The following RYR2 variants were observed in gnomAD, a reference collection of about 807,000 sequenced individuals.
The protein encoded by RYR2 is cardiac muscle ryanodine receptor-calcium release channel.
In RYR2, 227 loss-of-function variants were observed where a neutral mutation model predicts 601.1. That is an observed-to-expected ratio of 0.38 (90% CI 0.34 to 0.42). The LOEUF (loss-of-function observed/expected upper bound fraction) is 0.42, where lower values mean the gene tolerates loss of function less well. Among genes scored for constraint, RYR2 ranks in the 10% least tolerant of loss-of-function variants. The pLI is 1.00. For missense variants in RYR2, 4,646 were observed against 6,156.5 expected, an observed-to-expected ratio of 0.75 and a Z score of 8.21; for synonymous variants, 2,223 against 2,175.1, an observed-to-expected ratio of 1.02 and a Z score of -0.61.
intron 1 of RYR2, among the ~76,000 whole-genome samples, chr1:237,154,430 A>G (rs1482879357): frequency 6.6e-6 from 1 of 152,164 alleles, no homozygotes; most frequent in African/African-American, 2.4e-5. Context: ...TTGAAGGACT[A>G]TTGGCTGAGG....
At chr1:237,795,836 G>GTATATATATATA (rs1553329286) in intron 96 of RYR2, among the ~76,000 whole-genome samples, 16,200 of 132,234 alleles carry the variant, frequency 0.12, 1,074 homozygotes, top group Admixed American at 0.16. Flanking sequence ...GTGTGTGTGT[G>GTATATATATATA]TATATATATA....
chr1:237,147,251 GTTTGGGT>G (rs1674102533), intron 1 of RYR2, among the ~76,000 whole-genome samples: 1 of 152,124 alleles, frequency 6.6e-6, no homozygotes. Context: ...AGCATTTTTA[GTTTGGGT>G]TAATAATTAA....
chr1:237,515,420 T>C (rs897354111), intron 24 of RYR2, among the ~76,000 whole-genome samples: 8 of 152,218 alleles, frequency 5.3e-5, no homozygotes, highest in African/African-American at 1.9e-4. Flanking sequence ...GTATTTTTCC[T>C]GAAAATTATT....
intron 1 of RYR2, among the ~76,000 whole-genome samples, chr1:237,091,381 C>T (rs1047410691): frequency 3.9e-5 from 5 of 126,896 alleles, no homozygotes; most frequent in African/African-American, 1.5e-4. Context: ...CTCTGTTGGT[C>T]TGGAATTCAA....
intron 76 of RYR2, among the ~76,000 whole-genome samples, chr1:237,728,962 A>G (rs1690444326): frequency 6.8e-6 from 1 of 147,364 alleles, no homozygotes; most frequent in Non-Finnish European, 1.5e-5. Flanking sequence ...AGCAAAAAAA[A>G]AGAATATTAA....
intron 17 of RYR2, among the ~76,000 whole-genome samples, chr1:237,484,416 G>A (rs1162629074): frequency 1.3e-5 from 2 of 152,190 alleles, no homozygotes; most frequent in Non-Finnish European, 2.9e-5. Flanking sequence ...TGGGCTTTCT[G>A]CAGTGATCAT....
intron 25 of RYR2, among the ~76,000 whole-genome samples, chr1:237,538,046 TA>T (rs201079365): frequency 3.3e-5 from 5 of 151,628 alleles, no homozygotes; most frequent in African/African-American, 4.8e-5. Flanking sequence ...TTAATCTACT[TA>T]AAAAAAATGT....
chr1:237,759,634 A>T, intron 82 of RYR2, 142 bp from the exon 83 acceptor site: 1 of 656,186 alleles, frequency 1.5e-6, no homozygotes, highest in South Asian at 1.7e-5. Context: ...CTACTTCATG[A>T]TAAAGATGGC....
intron 60 of RYR2, 127 bp from the exon 61 acceptor site, chr1:237,677,921 G>T: frequency 8.0e-6 from 5 of 621,544 alleles, no homozygotes; most frequent in Middle Eastern, 3.0e-4. Flanking sequence ...TATATTTTTG[G>T]TTGGCTTTTT....
intron 2 of RYR2, among the ~76,000 whole-genome samples, chr1:237,318,270 C>A (rs1347822582): frequency 6.6e-6 from 1 of 152,076 alleles, no homozygotes. Context: ...TTCCTTCATA[C>A]TCTTTTTTTG....
At chr1:237,537,611 G>A (rs1431433241) in intron 25 of RYR2, among the ~76,000 whole-genome samples, 1 of 152,010 alleles carries the variant, frequency 6.6e-6, no homozygotes, top group Non-Finnish European at 1.5e-5. Flanking sequence ...CACCGTGCCC[G>A]GCCTAAATAT....
chr1:237,659,911 T>C (rs1683607800), intron 54 of RYR2, 74 bp from the exon 55 acceptor site: 1 of 952,430 alleles, frequency 1.0e-6, no homozygotes, highest in Non-Finnish European at 1.6e-6. Context: ...AAACACGCAC[T>C]TAAACACCTG....
chr1:237,704,785 T>G (rs528541799), intron 66 of RYR2, among the ~76,000 whole-genome samples: 39 of 152,036 alleles, frequency 2.6e-4, no homozygotes, highest in Non-Finnish European at 2.6e-4. Context: ...AAAATAGATA[T>G]TTACAAAAAG....
At chr1:237,304,290 T>G (rs1463527077) in intron 2 of RYR2, among the ~76,000 whole-genome samples, 2 of 152,322 alleles carry the variant, frequency 1.3e-5, no homozygotes, top group Middle Eastern at 3.4e-3. Flanking sequence ...GCTCATCCCA[T>G]TTTTGGCAAG....
intron 88 of RYR2, 124 bp downstream of exon 88, chr1:237,778,894 T>G: frequency 1.9e-6 from 1 of 522,114 alleles, no homozygotes; most frequent in Admixed American, 3.2e-5. Context: ...TCACTTGTCT[T>G]TTTAAGATCA....
chr1:237,495,293 C>A (rs2255271), intron 19 of RYR2, among the ~76,000 whole-genome samples: 2 of 151,850 alleles, frequency 1.3e-5, no homozygotes, highest in Non-Finnish European at 2.9e-5. Flanking sequence ...CAAATGGATG[C>A]TCAAATTTTC....
rs1450189858 is a variant in RYR2 at position 237,784,209 on chromosome 1, A to G, written c.12497A>G (p.Lys4166Arg). Residue 4166 changes from lysine (K) to arginine (R), a missense_variant, in exon 90 of 105, where the codon AAG becomes AGG. Lys to Arg is a conservative substitution (Grantham distance 26). Transcript: ENST00000366574. This position sits in a 1 kb window ranked among gnomAD's most constrained non-coding sequence, Gnocchi z 7.1. The stretch of plus-strand genomic sequence containing the variant: ...ACCCAGTGGGAGAAGCCCCAGGTCA[A>G]GGAGTCCAAAAGACAGTTCATATTT... Reference protein sequence around the residue: ...SRTQWEKPQVKESKRQFIFDV... With the variant: ...SRTQWEKPQVRESKRQFIFDV... The G allele has an allele frequency of 9.3e-6, 15 of 1,613,922 alleles. No homozygotes were observed. Among genetic ancestry groups the G allele is most frequent in the Non-Finnish European group, 1.3e-5 (15 of 1,179,908 alleles).
At chr1:237,299,443 G>T (rs1258837548) in intron 2 of RYR2, among the ~76,000 whole-genome samples, 1 of 152,100 alleles carries the variant, frequency 6.6e-6, no homozygotes, top group Non-Finnish European at 1.5e-5. Context: ...AAATTATAAG[G>T]TGGGGCCTTT....
chr1:237,779,716 TAAAC>T (rs1333504473), intron 88 of RYR2, among the ~76,000 whole-genome samples: 2 of 152,186 alleles, frequency 1.3e-5, no homozygotes, highest in Non-Finnish European at 2.9e-5. Context: ...ATGTCAAAGA[TAAAC>T]AAAGCTGGAT....
Sources: gnomAD v4.1 joint callset for allele counts (sites outside exome capture counted in the v4.1 genomes callset) on GRCh38, gnomAD v4.1.1 for gene constraint, Gnocchi (gnomAD v3.1) non-coding constraint, MANE v1.5 for transcripts, NCBI Gene and HGNC (gene_info 2026-07-23, HGNC 2026-07-21) for gene names.